MAVS: variants seen among roughly 807,000 people sequenced by gnomAD.
MAVS encodes the protein mitochondrial antiviral signaling protein.
MAVS carries 20 observed loss-of-function variants against 30.2 expected under a neutral mutation model. That is an observed-to-expected ratio of 0.66 (90% CI 0.47 to 0.96). The LOEUF (loss-of-function observed/expected upper bound fraction) is 0.96. MAVS is among the 40% of genes least tolerant of loss of function. The probability of loss-of-function intolerance (pLI) is 0.00; values close to 1 mark genes in which losing one functional copy is unlikely to be tolerated. For synonymous variants in MAVS, 278 were observed against 293.9 expected, an observed-to-expected ratio of 0.95 and a Z score of 0.55; for missense variants, 624 against 701.1, an observed-to-expected ratio of 0.89 and a Z score of 1.24.
At chr20:3,848,047 C>G (rs2089723155) in intron 1 of MAVS, among the ~76,000 whole-genome samples, 1 of 152,094 alleles carries the variant, frequency 6.6e-6, no homozygotes. Flanking sequence ...AGAAGAGTGC[C>G]TCATCTGACT....
chr20:3,859,254 T>C (rs1029522200), intron 3 of MAVS, among the ~76,000 whole-genome samples: 21 of 149,524 alleles, frequency 1.4e-4, no homozygotes, highest in Non-Finnish European at 5.9e-5. Flanking sequence ...ACGCCTGTAA[T>C]CCCAGCACTT....
intron 1 of MAVS, among the ~76,000 whole-genome samples, chr20:3,848,672 G>A (rs558172084): frequency 6.6e-6 from 1 of 152,278 alleles, no homozygotes; most frequent in African/African-American, 2.4e-5. Context: ...GAGGTCTCAT[G>A]CCTGCCTGAT....
intron 2 of MAVS, 145 bp downstream of exon 2, chr20:3,854,886 C>CT (rs1285849658): frequency 4.6e-5 from 17 of 372,058 alleles, no homozygotes; most frequent in South Asian, 1.5e-4. Flanking sequence ...GTCCTTGCTG[C>CT]TTTTCTTTTT....
chr20:3,862,203 G>A (rs754879430), intron 4 of MAVS, 51 bp from the exon 5 acceptor site: 2 of 1,587,246 alleles, frequency 1.3e-6, no homozygotes, highest in Non-Finnish European at 1.7e-6. Context: ...GCTGCCCTTT[G>A]TGAGCTCTTG....
intron 3 of MAVS, among the ~76,000 whole-genome samples, chr20:3,859,868 G>C (rs1207786304): frequency 2.0e-5 from 3 of 151,880 alleles, no homozygotes; most frequent in African/African-American, 7.3e-5. Flanking sequence ...CCAGGCTGGA[G>C]TGCAGTGGTG....
chr20:3,854,212 A>G (rs2089789310), intron 1 of MAVS, among the ~76,000 whole-genome samples: 2 of 151,838 alleles, frequency 1.3e-5, no homozygotes, highest in South Asian at 2.1e-4. Flanking sequence ...ACTTGAGGTC[A>G]GGAGTCTGTG....
chr20:3,872,176 A>AT lies in MAVS; in HGVS notation c.*6030dup, dbSNP rs556742863. ...AGATTTTGGCTGGAGGTGGTGGATC[A>AT]TACCTATAATCCCAGCACTTTGGGA... is the stretch of plus-strand genomic sequence containing the variant. On this transcript the variant is annotated 3_prime_UTR_variant, in exon 7 of 7. Transcript: ENST00000428216. 6.7e-4 allele frequency: 102 copies of AT among 152,576 alleles called. No individual in the cohort carries two copies. The highest frequency in any genetic ancestry group is 2.4e-3 in the African/African-American group (100 of 41,564). The allele number at this position is 152,576 out of a possible 1,614,324, so 9.5% of individuals were successfully genotyped here. A position where few individuals can be genotyped will look rare whatever the true frequency, so the allele number is the denominator to read the frequency against.
chr20:3,852,945 T>G (rs1294366049), intron 1 of MAVS, among the ~76,000 whole-genome samples: 1 of 148,206 alleles, frequency 6.7e-6, no homozygotes, highest in Non-Finnish European at 1.5e-5. Flanking sequence ...GTTCAAGCAA[T>G]TCTCTGTCTC....
rs567710054 is a variant in MAVS, at chr20:3,861,393, G to T, written c.354G>T (p.Gly118=). The change falls in exon 4 of 7, where the codon GGG becomes GGT. Residue 118 remains glycine, a synonymous_variant. Coordinates refer to ENST00000428216, the MANE Select transcript of MAVS (RefSeq NM_020746.5). ...EPPSLPAERP[G]PPTPAAAHSI... Reference sequence around the variant, plus strand: ...CGTCACTTCCTGCTGAGAGGCCAGGGCCCCCCACACCTGCTGCGGCCCACA... The same window carrying T: ...CGTCACTTCCTGCTGAGAGGCCAGGTCCCCCCACACCTGCTGCGGCCCACA... 1.2e-6 allele frequency: 2 copies of T among 1,613,980 alleles called. No homozygotes were observed. The highest frequency in any genetic ancestry group is 2.7e-5 in the African/African-American group (2 of 74,976).
chr20:3,871,349 C>T lies in MAVS; in HGVS notation c.*5202C>T, dbSNP rs111639343. The T allele has an allele frequency of 2.7e-4, 41 of 154,004 alleles. No homozygotes were observed. Among genetic ancestry groups the T allele is most frequent in the African/African-American group, 8.4e-4 (35 of 41,566 alleles). 9.5% of individuals were successfully genotyped at this position (154,004 alleles called of 1,614,324 possible). A position where few individuals can be genotyped will look rare whatever the true frequency, so the allele number is the denominator to read the frequency against. ...TTTGTGGCCTCTGTGGATGACGTCT[C>T]TCACCTTGAACCAGTTCAGAGTTGG... On this transcript the variant is annotated 3_prime_UTR_variant, in exon 7 of 7. Transcript: ENST00000428216.
intron 2 of MAVS, among the ~76,000 whole-genome samples, chr20:3,856,057 A>AT (rs34856295): frequency 0.035 from 4,532 of 129,854 alleles, 237 homozygotes; most frequent in African/African-American, 0.12. Context: ...CAGTGGCACG[A>AT]TTTTTTTTTT....
At chr20:3,854,887 T>TTTTA in intron 2 of MAVS, 146 bp downstream of exon 2, 18 of 468,776 alleles carry the variant, frequency 3.8e-5, no homozygotes, top group Middle Eastern at 5.6e-4. Context: ...TCCTTGCTGC[T>TTTTA]TTTCTTTTTT....
rs2089979631 is a variant in MAVS, at chr20:3,874,823, A to G, written c.*8676A>G. 6.6e-6 allele frequency: 1 copy of G among 152,176 alleles called. No homozygotes were observed. Among genetic ancestry groups the G allele is most frequent in the Non-Finnish European group, 1.5e-5 (1 of 68,098 alleles). The allele number at this position is 152,176 out of a possible 1,614,324, so 9.4% of individuals were successfully genotyped here. ...TCCAGTTGTATGTTCAGTCTCTTGG[A>G]AGGAAGGGTATTGACTCTGAGAGGG... On this transcript the variant is annotated 3_prime_UTR_variant, in exon 7 of 7. Coordinates refer to ENST00000428216, the MANE Select transcript of MAVS (RefSeq NM_020746.5).
At chr20:3,853,637 T>TA (rs539871796) in intron 1 of MAVS, among the ~76,000 whole-genome samples, 72 of 151,674 alleles carry the variant, frequency 4.7e-4, no homozygotes, top group African/African-American at 1.5e-3. Context: ...CTAGAAAAAA[T>TA]AAAAAAATTA....
intron 3 of MAVS, among the ~76,000 whole-genome samples, chr20:3,859,507 C>CAA (rs199742670): frequency 7.2e-4 from 26 of 36,122 alleles, no homozygotes; most frequent in East Asian, 4.5e-3. Flanking sequence ...GACTCCGTCT[C>CAA]CAAAAAAAAA....
Position 3,873,965 on chromosome 20 carries a change from A to G in MAVS, c.*7818A>G, listed in dbSNP as rs1488860931. 2 of 396,900 alleles carry G rather than the reference A, an allele frequency of 5.0e-6. No homozygotes were observed. Among genetic ancestry groups the G allele is most frequent in the African/African-American group, 4.1e-5 (2 of 48,540 alleles). The allele number at this position is 396,900 out of a possible 1,614,324, so 24.6% of individuals were successfully genotyped here. A position where few individuals can be genotyped will look rare whatever the true frequency, so the allele number is the denominator to read the frequency against. ...CCGAGACATTGGCAAGAATGTTTCT[A>G]ACCACACGCTGACTGTAGCCCCAAA... On this transcript the variant is annotated 3_prime_UTR_variant, in exon 7 of 7. Transcript: ENST00000428216.
At chr20:3,859,138 C>T (rs1480893542) in intron 3 of MAVS, among the ~76,000 whole-genome samples, 1 of 150,790 alleles carries the variant, frequency 6.6e-6, no homozygotes. Flanking sequence ...TTTCCTCCCT[C>T]CCTCCCTCCC....
chr20:3,850,041 G>A (rs2089743931), intron 1 of MAVS, among the ~76,000 whole-genome samples: 1 of 151,840 alleles, frequency 6.6e-6, no homozygotes, highest in South Asian at 2.1e-4. Context: ...CACTTTGGGA[G>A]GCCGAGGCGG....
intron 3 of MAVS, among the ~76,000 whole-genome samples, chr20:3,858,619 C>T (rs73610112): frequency 0.011 from 1,647 of 148,498 alleles, 16 homozygotes; most frequent in South Asian, 0.034. Context: ...GAGCTGAGAT[C>T]GCGCCACTGC....
Sources: allele counts gnomAD v4.1 joint callset (sites outside exome capture counted in the v4.1 genomes callset), GRCh38; gene constraint gnomAD v4.1.1; transcripts MANE v1.5; gene names NCBI Gene and HGNC (gene_info 2026-07-23, HGNC 2026-07-21).